The following KDM5B variants were observed in gnomAD, a reference collection of about 807,000 sequenced individuals.
KDM5B encodes the protein lysine-specific demethylase 5B.
In KDM5B, 144 loss-of-function variants were observed where a neutral mutation model predicts 193.4. The ratio of observed to expected loss-of-function variants is 0.74; its 90% confidence interval spans 0.65 to 0.86. KDM5B has a LOEUF of 0.86. Among genes scored for constraint, KDM5B ranks in the 40% least tolerant of loss-of-function variants. KDM5B has a pLI of 0.00. For synonymous variants in KDM5B, 668 were observed against 682.6 expected (o/e 0.98, Z 0.33); for missense variants, 1,833 against 1,886.9 (o/e 0.97, Z 0.53).
At chr1:202,762,185 T>C (rs1196785174) in intron 7 of KDM5B, among the ~76,000 whole-genome samples, 1 of 152,212 alleles carries the variant, frequency 6.6e-6, no homozygotes, top group Non-Finnish European at 1.5e-5. Context: ...TCCTAACTGC[T>C]TTCCTTTGTT....
chr1:202,790,742 T>C (rs1000499379), intron 1 of KDM5B, among the ~76,000 whole-genome samples: 5 of 151,220 alleles, frequency 3.3e-5, no homozygotes, highest in Admixed American at 6.6e-5. Flanking sequence ...ATAATAAATA[T>C]AAAAATAAAA....
chr1:202,789,084 G>A (rs1417951098), intron 1 of KDM5B, among the ~76,000 whole-genome samples: 2 of 152,154 alleles, frequency 1.3e-5, no homozygotes, highest in Non-Finnish European at 2.9e-5. Flanking sequence ...GCAAACACAC[G>A]CCTGGAGATT....
intron 5 of KDM5B, among the ~76,000 whole-genome samples, chr1:202,766,724 T>A (rs555910902): frequency 6.6e-6 from 1 of 152,156 alleles, no homozygotes; most frequent in Non-Finnish European, 1.5e-5. Flanking sequence ...AGCATAAATT[T>A]AGAAAGACTT....
chr1:202,784,796 T>C (rs936981966), intron 1 of KDM5B, among the ~76,000 whole-genome samples: 3 of 152,140 alleles, frequency 2.0e-5, no homozygotes, highest in Non-Finnish European at 2.9e-5. Flanking sequence ...TCCCAGCACT[T>C]TGGGAGGCCC....
chr1:202,785,240 C>A (rs566807844), intron 1 of KDM5B, among the ~76,000 whole-genome samples: 16 of 152,192 alleles, frequency 1.1e-4, no homozygotes, highest in African/African-American at 3.1e-4. Flanking sequence ...ATCCTTCCAG[C>A]CTAACCCTAG....
chr1:202,807,919 C>A (rs1029064636), intron 1 of KDM5B, among the ~76,000 whole-genome samples, 183 bp downstream of exon 1: 1 of 152,000 alleles, frequency 6.6e-6, no homozygotes, highest in African/African-American at 2.4e-5. Context: ...TCATCTCCCA[C>A]CCTGGAGAAG....
chr1:202,764,531 AG>A (rs1428423372), intron 5 of KDM5B, among the ~76,000 whole-genome samples: 1 of 152,154 alleles, frequency 6.6e-6, no homozygotes, highest in African/African-American at 2.4e-5. Context: ...GCTACTTGGG[AG>A]GCTGAGGCAG....
rs1654722718 is a variant in KDM5B at position 202,727,686 on chromosome 1, G to C, written c.*1350C>G. 1 of 152,656 alleles carries C rather than the reference G, an allele frequency of 6.6e-6. No individual in the cohort carries two copies. The highest frequency in any genetic ancestry group is 1.5e-5 in the Non-Finnish European group (1 of 68,052). 9.5% of individuals were successfully genotyped at this position (152,656 alleles called of 1,614,324 possible). A position where few individuals can be genotyped will look rare whatever the true frequency, so the allele number is the denominator to read the frequency against. ...AATAGCTATGGGCTATCCACAGCCAGTAATGATAGCTACAGTTAGAAAGAA... is the reference window on the plus strand; with the variant it reads ...AATAGCTATGGGCTATCCACAGCCACTAATGATAGCTACAGTTAGAAAGAA... On this transcript the variant is annotated 3_prime_UTR_variant, in exon 27 of 27. Transcript: ENST00000367265.
chr1:202,729,104 C>G lies in KDM5B; in HGVS notation c.4567G>C (p.Glu1523Gln), dbSNP rs1176066406. 1 of 1,614,176 alleles carries G rather than the reference C, an allele frequency of 6.2e-7. No homozygotes were observed. ...ATGTAGTCTTCTTTCTCTGCCATCT[C>G]TGGGGAGACACCAACACAGACCTGA... ...FHQVCVGVSP[E>Q]MAEKEDYICV... The change falls in exon 27 of 27, where the codon GAG becomes CAG. Residue 1523 changes from glutamate (E) to glutamine (Q), a missense_variant. Physicochemically the swap from Glu to Gln is conservative, Grantham distance 29. This residue lies in a region of KDM5B where 1,379 missense variants were observed against 1,349.6 expected (regional missense o/e 1.02). Transcript: ENST00000367265.
chr1:202,783,340 CA>C (rs899492087), intron 1 of KDM5B, among the ~76,000 whole-genome samples: 38 of 146,954 alleles, frequency 2.6e-4, no homozygotes, highest in African/African-American at 4.5e-4. Context: ...TCTGTCTCTA[CA>C]AAAAAAAAAT....
At chr1:202,773,422 C>T (rs573599672) in intron 3 of KDM5B, 134 bp from the exon 4 acceptor site, 243 of 615,346 alleles carry the variant, frequency 3.9e-4, no homozygotes, top group African/African-American at 1.5e-3. Context: ...TATATATATA[C>T]ACACACACAC....
chr1:202,731,096 CAA>C (rs758370507), intron 24 of KDM5B, 33 bp from the exon 25 acceptor site: 1 of 1,545,140 alleles, frequency 6.5e-7, no homozygotes, highest in South Asian at 1.2e-5. Flanking sequence ...AAAATGATAA[CAA>C]CAAAGGGTGT....
chr1:202,767,418 C>A (rs567541789), intron 4 of KDM5B: 6 of 1,388,816 alleles, frequency 4.3e-6, no homozygotes, highest in Admixed American at 1.7e-5. Context: ...TCTAGCCCAA[C>A]ATAGCGCTGC....
At chr1:202,808,010 C>A in intron 1 of KDM5B, 92 bp downstream of exon 1, 1 of 1,316,734 alleles carries the variant, frequency 7.6e-7, no homozygotes, top group Non-Finnish European at 1.0e-6. Context: ...CGACCGGCTC[C>A]CCGCCCCCCG....
At chr1:202,796,343 C>T (rs1657845628) in intron 1 of KDM5B, 3 of 349,918 alleles carry the variant, frequency 8.6e-6, no homozygotes, top group East Asian at 8.8e-5. Context: ...ACCTTGGATG[C>T]CTCTGTGAAG....
At position 202,741,396 on chromosome 1, in the gene KDM5B, G is replaced by A. The variant is rs147479851; in HGVS notation, c.2916C>T (p.Asp972=). ...CCTTGAGGAGACTCTTGGCTTTGTC[G>A]TCCCAGTGCTCTGACACTGTGAGCA... ...QELLTVSEHW[D]DKAKSLLKAR... The change falls in exon 19 of 27, where the codon GAC becomes GAT. Residue 972 remains aspartate, a synonymous_variant. Coordinates refer to ENST00000367265, the MANE Select transcript of KDM5B (RefSeq NM_006618.5). The A allele has an allele frequency of 9.6e-6, 15 of 1,559,152 alleles. No individual in the cohort carries two copies. The highest frequency in any genetic ancestry group is 1.4e-5 in the African/African-American group (1 of 72,916).
intron 4 of KDM5B, among the ~76,000 whole-genome samples, chr1:202,771,213 TTA>T (rs2102292390): frequency 6.6e-6 from 1 of 152,166 alleles, no homozygotes; most frequent in East Asian, 1.9e-4. Flanking sequence ...TTTTTATTTT[TTA>T]TGTTTGTTTA....
At chr1:202,805,103 C>T (rs767929068) in intron 1 of KDM5B, among the ~76,000 whole-genome samples, 1 of 152,038 alleles carries the variant, frequency 6.6e-6, no homozygotes, top group Non-Finnish European at 1.5e-5. Flanking sequence ...AAACAGACAT[C>T]TAAGTACAGT....
At chr1:202,756,560 G>A (rs1656020507) in intron 9 of KDM5B, 44 bp from the exon 10 acceptor site, 1 of 1,465,580 alleles carries the variant, frequency 6.8e-7, no homozygotes, top group African/African-American at 1.4e-5. Context: ...CTCACAAACT[G>A]TCTGTGACCA....
Sources: gnomAD v4.1 joint callset for allele counts (sites outside exome capture counted in the v4.1 genomes callset) on GRCh38, gnomAD v4.1.1 for gene constraint, gnomAD v4.1.1 regional missense constraint, MANE v1.5 for transcripts, NCBI Gene and HGNC (gene_info 2026-07-23, HGNC 2026-07-21) for gene names.